Variants in P3H2 observed in about 807,000 individuals in gnomAD.
The protein encoded by P3H2 is prolyl 3-hydroxylase 2.
Under a neutral mutation model 87.0 loss-of-function variants are expected in P3H2, and 80 were observed. The observed-to-expected ratio is 0.92, with a 90% confidence interval of 0.77 to 1.11. P3H2 has a LOEUF of 1.11. P3H2 is among the 50% of genes least tolerant of loss of function. The pLI, the probability that P3H2 is intolerant of heterozygous loss-of-function variation, is 0.00. For missense variants in P3H2, 1,001 were observed against 923.9 expected (o/e 1.08, Z -1.08); for synonymous variants, 367 against 359.3 (o/e 1.02, Z -0.24).
intron 13 of P3H2, among the ~76,000 whole-genome samples, chr3:189,965,348 A>T (rs1037571321): frequency 2.6e-5 from 4 of 152,104 alleles, no homozygotes; most frequent in Admixed American, 2.6e-4. Context: ...AGGTGGGTGC[A>T]TATGTGTTTA....
intron 8 of P3H2, among the ~76,000 whole-genome samples, chr3:189,981,630 G>A (rs1159685820): frequency 6.6e-6 from 1 of 152,068 alleles, no homozygotes; most frequent in Non-Finnish European, 1.5e-5. Flanking sequence ...TCTATCACAC[G>A]TAGTCTTCTG....
chr3:190,065,389 C>T (rs1726464262), intron 1 of P3H2, among the ~76,000 whole-genome samples: 1 of 152,114 alleles, frequency 6.6e-6, no homozygotes, highest in Non-Finnish European at 1.5e-5. Flanking sequence ...ATTTTGAAGC[C>T]ATTTGTTGAA....
chr3:190,023,471 T>C (rs1173736523), intron 1 of P3H2, among the ~76,000 whole-genome samples: 1 of 152,140 alleles, frequency 6.6e-6, no homozygotes, highest in Non-Finnish European at 1.5e-5. Flanking sequence ...GAACCTTCTT[T>C]ACGAGGCGGC....
intron 1 of P3H2, among the ~76,000 whole-genome samples, chr3:190,018,910 G>T (rs1490407940): frequency 1.3e-5 from 2 of 152,034 alleles, no homozygotes; most frequent in African/African-American, 4.8e-5. Context: ...TTATAATACA[G>T]CCATCGGCAA....
chr3:189,981,882 T>G (rs180856093), intron 8 of P3H2, among the ~76,000 whole-genome samples: 128 of 152,308 alleles, frequency 8.4e-4, no homozygotes, highest in Non-Finnish European at 2.2e-4. Flanking sequence ...GGCTGCAAAC[T>G]GAGGTCCAGG....
intron 1 of P3H2, among the ~76,000 whole-genome samples, chr3:189,999,611 C>A (rs973562572): frequency 9.2e-5 from 14 of 152,168 alleles, no homozygotes; most frequent in Non-Finnish European, 2.9e-5. Context: ...ACCAACAGCA[C>A]ACTACAGTTA....
At chr3:190,064,013 A>G (rs1290627804) in intron 1 of P3H2, among the ~76,000 whole-genome samples, 16 of 99,196 alleles carry the variant, frequency 1.6e-4, no homozygotes, top group South Asian at 3.1e-4. Context: ...TTTTTTTTTG[A>G]GACAGGGTCT....
intron 1 of P3H2, among the ~76,000 whole-genome samples, chr3:190,054,804 T>C (rs1219930853): frequency 6.6e-6 from 1 of 152,018 alleles, no homozygotes; most frequent in African/African-American, 2.4e-5. Flanking sequence ...GTATTATGAG[T>C]AGAAACTAAG....
chr3:189,982,756 C>T (rs1376670529), intron 8 of P3H2, among the ~76,000 whole-genome samples: 4 of 152,150 alleles, frequency 2.6e-5, no homozygotes, highest in Admixed American at 6.5e-5. Context: ...GCTAAGCCTC[C>T]GGTATTCTGA....
chr3:190,011,474 T>G (rs1724586554), intron 1 of P3H2, among the ~76,000 whole-genome samples: 1 of 152,184 alleles, frequency 6.6e-6, no homozygotes, highest in African/African-American at 2.4e-5. Flanking sequence ...CCCTCTTCCT[T>G]TAAGCATCTC....
At chr3:190,041,033 TATATAC>T (rs1465130900) in intron 1 of P3H2, among the ~76,000 whole-genome samples, 398 of 37,802 alleles carry the variant, frequency 0.011, 8 homozygotes, top group African/African-American at 0.062. Context: ...TATATATATA[TATATAC>T]ACACACACAC....
At chr3:190,054,496 C>T (rs74819122) in intron 1 of P3H2, among the ~76,000 whole-genome samples, 3,038 of 152,116 alleles carry the variant, frequency 0.02, 111 homozygotes, top group African/African-American at 0.07. Flanking sequence ...AGCTGTTTGA[C>T]ACTAGGATCT....
At chr3:190,059,001 G>T (rs980314183) in intron 1 of P3H2, among the ~76,000 whole-genome samples, 4 of 152,160 alleles carry the variant, frequency 2.6e-5, no homozygotes, top group African/African-American at 9.7e-5. Flanking sequence ...ACATTCAGTT[G>T]TTAAATCTCT....
chr3:189,972,679 G>A (rs1023124975), intron 11 of P3H2, among the ~76,000 whole-genome samples, 195 bp downstream of exon 11: 10 of 152,066 alleles, frequency 6.6e-5, no homozygotes, highest in African/African-American at 2.4e-4. Flanking sequence ...TCAGAACGAG[G>A]GTTTTCTGGA....
chr3:190,101,452 C>G (rs1711624950), intron 1 of P3H2, among the ~76,000 whole-genome samples: 1 of 131,056 alleles, frequency 7.6e-6, no homozygotes, highest in African/African-American at 2.9e-5. Context: ...GAAAGTGAAA[C>G]AGCCTTACTG....
At chr3:190,079,665 C>T (rs987735021) in intron 1 of P3H2, among the ~76,000 whole-genome samples, 5 of 152,138 alleles carry the variant, frequency 3.3e-5, no homozygotes, top group African/African-American at 1.2e-4. Flanking sequence ...AACAGAGTAC[C>T]TAACACCACC....
intron 1 of P3H2, among the ~76,000 whole-genome samples, chr3:190,051,293 A>C (rs1244108351): frequency 6.6e-6 from 1 of 152,238 alleles, no homozygotes; most frequent in African/African-American, 2.4e-5. Flanking sequence ...CAACCAATAC[A>C]AAATAACATT....
intron 1 of P3H2, among the ~76,000 whole-genome samples, chr3:190,075,542 G>A (rs1577311142): frequency 6.6e-6 from 1 of 151,444 alleles, no homozygotes; most frequent in East Asian, 1.9e-4. Context: ...AGTGCACCAA[G>A]ACAGATACAC....
chr3:189,986,896 A>G lies in P3H2; in HGVS notation c.1099-19T>C. On this transcript the variant is annotated intron_variant, in intron 5 of 14. Coordinates refer to ENST00000319332, the MANE Select transcript of P3H2 (RefSeq NM_018192.4). ...TTAAATCCTAGAGAAAAAGAAGTAAAGAAAGACATTTTTTATTTAAATAGC... is the reference window on the plus strand; with the variant it reads ...TTAAATCCTAGAGAAAAAGAAGTAAGGAAAGACATTTTTTATTTAAATAGC... The G allele has an allele frequency of 6.5e-7, 1 of 1,535,510 alleles. No homozygotes were observed. The highest frequency in any genetic ancestry group is 9.0e-7 in the Non-Finnish European group (1 of 1,108,600).
Sources: gnomAD v4.1 joint callset for allele counts (sites outside exome capture counted in the v4.1 genomes callset) on GRCh38, gnomAD v4.1.1 for gene constraint, MANE v1.5 for transcripts, NCBI Gene and HGNC (gene_info 2026-07-23, HGNC 2026-07-21) for gene names.